Variants in MED6 observed in about 807,000 individuals in gnomAD.
MED6 encodes the protein mediator of RNA polymerase II transcription subunit 6.
A neutral mutation model predicts 37.5 loss-of-function variants in MED6; 33 were observed. That is an observed-to-expected ratio of 0.88 (90% CI 0.67 to 1.18). The LOEUF (loss-of-function observed/expected upper bound fraction) is 1.18, where lower values mean the gene tolerates loss of function less well. Among genes scored for constraint, MED6 ranks in the 50% most tolerant of loss-of-function variants. The pLI, the probability that MED6 is intolerant of heterozygous loss-of-function variation, is 0.00. For missense variants in MED6, 235 were observed against 290.6 expected (o/e 0.81, Z 1.39); for synonymous variants, 94 against 93.6 (o/e 1.00, Z -0.02).
chr14:70,597,764 T>C lies in MED6; in HGVS notation c.36A>G (p.Gly12=). 1 of 1,550,306 alleles carries C rather than the reference T, an allele frequency of 6.5e-7. No individual in the cohort carries two copies. The highest frequency in any genetic ancestry group is 8.6e-7 in the Non-Finnish European group (1 of 1,161,046). The change falls in exon 2 of 8, where the codon GGA becomes GGG. Residue 12 remains glycine (G), a synonymous_variant. Coordinates refer to ENST00000256379, the MANE Select transcript of MED6 (RefSeq NM_005466.4). ...TCCAAGAGCTGTCAACCCAAGAAAT[T>C]CCCAGCAGATTGTCTATGGGAAAGA... ...AAVDIRDNLL[G]ISWVDSSWIP... is the part of the protein sequence containing the mutation.
Position 70,584,528 on chromosome 14 carries a change from A to C in MED6, c.*285T>G, listed in dbSNP as rs753906817. ...GTAGCTGGGACTATGGGCGCCCGCCACCACGCCCGGCTAATTTTTGTATTT... is the reference window on the plus strand; with the variant it reads ...GTAGCTGGGACTATGGGCGCCCGCCCCCACGCCCGGCTAATTTTTGTATTT... On this transcript the variant is annotated 3_prime_UTR_variant, in exon 8 of 8. Coordinates refer to ENST00000256379, the MANE Select transcript of MED6 (RefSeq NM_005466.4). The C allele has an allele frequency of 3.5e-5, 11 of 313,710 alleles. No homozygotes were observed. The highest frequency in any genetic ancestry group is 5.8e-5 in the Non-Finnish European group (10 of 172,662). The allele number at this position is 313,710 out of a possible 1,614,324, so 19.4% of individuals were successfully genotyped here. A position where few individuals can be genotyped will look rare whatever the true frequency, so the allele number is the denominator to read the frequency against.
chr14:70,584,910 G>A lies in MED6; in HGVS notation c.644C>T (p.Pro215Leu). 1 of 1,613,840 alleles carries A rather than the reference G, an allele frequency of 6.2e-7. No individual in the cohort carries two copies. Among genetic ancestry groups the A allele is most frequent in the Non-Finnish European group, 8.5e-7 (1 of 1,179,900 alleles). Residue 215 changes from proline to leucine, a missense_variant, in exon 8 of 8, where the codon CCA becomes CTA. Pro to Leu is a moderately conservative substitution (Grantham distance 98, BLOSUM62 -3). Transcript: ENST00000256379. ...CTTCTCCTCAGGTTTTACAGTTTCT[G>A]GTATAGGTTCTGCCTCTTTCTTTGT... is the stretch of plus-strand genomic sequence containing the variant. Reference protein sequence around the residue: ...DQTKKEAEPIPETVKPEEKET... With the variant: ...DQTKKEAEPILETVKPEEKET...
At chr14:70,592,775 A>G (rs1884919451) in intron 5 of MED6, 105 bp downstream of exon 5, 2 of 1,291,184 alleles carry the variant, frequency 1.5e-6, no homozygotes, top group African/African-American at 3.0e-5. Flanking sequence ...CCCATGAAAA[A>G]GTGAAACACA....
rs2139604096 is a variant in MED6 at position 70,597,629 on chromosome 14, T to C, written c.171A>G (p.Leu57=). 1.3e-6 allele frequency: 2 copies of C among 1,492,816 alleles called. No individual in the cohort carries two copies. The highest frequency in any genetic ancestry group is 2.6e-5 in the East Asian group (1 of 38,678). The allele number at this position is 1,492,816 out of a possible 1,614,324, so 92.5% of individuals were successfully genotyped here. The change falls in exon 2 of 8, where the codon TTA becomes TTG. Residue 57 remains leucine (L), a synonymous_variant. Transcript: ENST00000256379. ...TTAAAATAACTTACTTCAAGTGTTC[T>C]AATGTTAGCCTCTGCATTTTGACCA... is the stretch of plus-strand genomic sequence containing the variant. ...NEVVKMQRLT[L]EHLNQMVGIE...
At position 70,583,912 on chromosome 14, in the gene MED6, G is replaced by A. The variant is rs1884620186; in HGVS notation, c.*901C>T. On this transcript the variant is annotated 3_prime_UTR_variant, in exon 8 of 8. Transcript: ENST00000256379. ...CCAGCAAGAAGGCCCTCACCAGATGGAGCCAATCAATGCTGGACTTCTCAG... is the reference window on the plus strand; with the variant it reads ...CCAGCAAGAAGGCCCTCACCAGATGAAGCCAATCAATGCTGGACTTCTCAG... The A allele has an allele frequency of 4.9e-6, 2 of 410,714 alleles. No individual in the cohort carries two copies. Among genetic ancestry groups the A allele is most frequent in the Non-Finnish European group, 8.6e-6 (2 of 233,512 alleles). The allele number at this position is 410,714 out of a possible 1,614,324, so 25.4% of individuals were successfully genotyped here.
rs1460733179 is a variant in MED6, at chr14:70,584,635, CAA to C, written c.*176_*177del. 1 of 727,970 alleles carries C rather than the reference CAA, an allele frequency of 1.4e-6. No homozygotes were observed. The highest frequency in any genetic ancestry group is 1.8e-5 in the African/African-American group (1 of 54,568). The allele number at this position is 727,970 out of a possible 1,614,324, so 45.1% of individuals were successfully genotyped here. ...AAGTGATCCACCCGCCATGGCCTCCCAAAGTGCTGGGATTACAGGCGTGAGCC... is the reference window on the plus strand; with the variant it reads ...AAGTGATCCACCCGCCATGGCCTCCCAGTGCTGGGATTACAGGCGTGAGCC... On this transcript the variant is annotated 3_prime_UTR_variant, in exon 8 of 8. Transcript: ENST00000256379.
In MED6 at chr14:70,584,936, T is replaced by G. The variant is rs1396879561; in HGVS notation, c.618A>C (p.Gln206His). 3.1e-6 allele frequency: 5 copies of G among 1,613,692 alleles called. No individual in the cohort carries two copies. The highest frequency in any genetic ancestry group is 4.2e-6 in the Non-Finnish European group (5 of 1,179,934). The change falls in exon 8 of 8, where the codon CAA becomes CAC. Residue 206 changes from glutamine (Q) to histidine (H), a missense_variant. By Grantham distance (24) the Gln-to-His change is conservative. Coordinates refer to ENST00000256379, the MANE Select transcript of MED6 (RefSeq NM_005466.4). Reference sequence around the variant, plus strand: ...GTATAGGTTCTGCCTCTTTCTTTGTTTGATCCACTAGATATCAAAAGTAGA... The same window carrying G: ...GTATAGGTTCTGCCTCTTTCTTTGTGTGATCCACTAGATATCAAAAGTAGA... ...KPGEKPVPVD[Q>H]TKKEAEPIPE... is the part of the protein sequence containing the mutation.
chr14:70,588,488 A>G (rs1160262166), intron 6 of MED6, among the ~76,000 whole-genome samples: 2 of 151,892 alleles, frequency 1.3e-5, no homozygotes, highest in African/African-American at 4.8e-5. Flanking sequence ...GATTGAAACT[A>G]TCCTGGCTAA....
intron 2 of MED6, 59 bp from the exon 3 acceptor site, chr14:70,596,761 G>T: frequency 8.4e-7 from 1 of 1,184,064 alleles, no homozygotes; most frequent in South Asian, 1.3e-5. Context: ...AATTTTATAA[G>T]ACATTCAAAT....
chr14:70,600,575 C>G (rs1156673436), intron 1 of MED6, 41 bp downstream of exon 1: 1 of 1,611,466 alleles, frequency 6.2e-7, no homozygotes, highest in African/African-American at 1.3e-5. Flanking sequence ...CCAAACTGGT[C>G]CACAGACAAT....
Position 70,588,308 on chromosome 14 carries a change from T to C in MED6, c.583-2525A>G, listed in dbSNP as rs187169683. ...AAGAAATGGCTCAGGAATATGATGA[T>C]ATAAGTATGAATGTGGCTAAACCTT... On this transcript the variant is annotated intron_variant, in intron 6 of 7. Coordinates refer to ENST00000256379, the MANE Select transcript of MED6 (RefSeq NM_005466.4). Among the ~76,000 whole-genome samples, 5 of 152,242 alleles carry C rather than the reference T, an allele frequency of 3.3e-5. No individual in the cohort carries two copies. The East Asian group carries it at 9.6e-4, about 29-fold the overall frequency.
rs892218571 is a variant in MED6 at position 70,584,297 on chromosome 14, T to C, written c.*516A>G. ...ATCTACCAGTAAACATGTGAGTGTG[T>C]AGGTTGCTCAAGTCCGGGAGAGGAA... On this transcript the variant is annotated 3_prime_UTR_variant, in exon 8 of 8. Transcript: ENST00000256379. 9.5e-5 allele frequency: 55 copies of C among 580,868 alleles called. No individual in the cohort carries two copies. The highest frequency in any genetic ancestry group is 1.6e-4 in the Non-Finnish European group (53 of 325,960). The allele number at this position is 580,868 out of a possible 1,614,324, so 36.0% of individuals were successfully genotyped here.
At chr14:70,587,443 T>C (rs139614922) in intron 6 of MED6, among the ~76,000 whole-genome samples, 146 of 152,226 alleles carry the variant, frequency 9.6e-4, no homozygotes, top group African/African-American at 3.3e-3. Flanking sequence ...ACTTAACATG[T>C]CCAAAGTAAT....
chr14:70,596,505 G>T, intron 3 of MED6, 106 bp downstream of exon 3: 2 of 780,014 alleles, frequency 2.6e-6, no homozygotes, highest in Non-Finnish European at 4.2e-6. Flanking sequence ...ATGTGGTCTT[G>T]GAGACCCCCC....
intron 6 of MED6, among the ~76,000 whole-genome samples, chr14:70,586,886 C>T (rs1884724158): frequency 6.6e-6 from 1 of 152,196 alleles, no homozygotes; most frequent in Non-Finnish European, 1.5e-5. Context: ...TTAGAAAGGC[C>T]TGCTTGCAAG....
chr14:70,598,070 G>C (rs1286923906), intron 1 of MED6, among the ~76,000 whole-genome samples: 1 of 152,098 alleles, frequency 6.6e-6, no homozygotes, highest in Non-Finnish European at 1.5e-5. Flanking sequence ...TGAGGTAGGT[G>C]GATCACCTGA....
intron 4 of MED6, 136 bp downstream of exon 4, chr14:70,593,160 C>G (rs541563578): frequency 4.1e-6 from 5 of 1,229,392 alleles, no homozygotes; most frequent in Non-Finnish European, 5.7e-6. Flanking sequence ...CTCACAGTAA[C>G]CAAAGTTCAA....
intron 4 of MED6, 123 bp from the exon 5 acceptor site, chr14:70,593,111 T>C: frequency 2.9e-6 from 4 of 1,364,504 alleles, no homozygotes; most frequent in Non-Finnish European, 4.0e-6. Flanking sequence ...AATTACTATA[T>C]AATTGAGACT....
intron 1 of MED6, among the ~76,000 whole-genome samples, chr14:70,599,019 G>C (rs1043895611): frequency 3.9e-5 from 6 of 152,154 alleles, no homozygotes; most frequent in Non-Finnish European, 8.8e-5. Context: ...TAATAAATGA[G>C]CTTGTATTGG....
Sources: allele counts gnomAD v4.1 joint callset (sites outside exome capture counted in the v4.1 genomes callset), GRCh38; gene constraint gnomAD v4.1.1; transcripts MANE v1.5; gene names NCBI Gene and HGNC (gene_info 2026-07-23, HGNC 2026-07-21).